The following RBFOX3 variants were observed in gnomAD, a reference collection of about 807,000 sequenced individuals.
The protein encoded by RBFOX3 is RNA binding protein fox-1 homolog 3.
Under a neutral mutation model 48.7 loss-of-function variants are expected in RBFOX3, and 17 were observed. The ratio of observed to expected loss-of-function variants is 0.35; its 90% CI spans 0.24 to 0.52. The LOEUF is 0.52. RBFOX3 is among the 20% of genes least tolerant of loss of function. The probability of loss-of-function intolerance (pLI) is 0.94; values close to 1 mark genes in which losing one functional copy is unlikely to be tolerated. For synonymous variants in RBFOX3, 212 were observed against 209.5 expected (o/e 1.01, Z -0.10); for missense variants, 382 against 497.5 (o/e 0.77, Z 2.21).
chr17:79,395,760 G>A (rs1421926734), intron 2 of RBFOX3, among the ~76,000 whole-genome samples: 1 of 152,230 alleles, frequency 6.6e-6, no homozygotes, highest in African/African-American at 2.4e-5. Flanking sequence ...GCAAGTGGCT[G>A]AGCCGTGACG....
intron 2 of RBFOX3, among the ~76,000 whole-genome samples, chr17:79,442,280 AGGGAGAGAGGGAGG>A (rs2071168773): frequency 3.7e-5 from 1 of 26,982 alleles, no homozygotes; most frequent in Non-Finnish European, 7.4e-5. Flanking sequence ...AGAGAGAGAG[AGGGAGAGAGGGAGG>A]GAGAGAGAGG....
chr17:79,349,494 A>G (rs553567231), intron 2 of RBFOX3, among the ~76,000 whole-genome samples: 7 of 151,642 alleles, frequency 4.6e-5, no homozygotes, highest in Admixed American at 1.3e-4. Flanking sequence ...CCCGGTCCCT[A>G]TTGAAATTCT....
chr17:79,093,736 T>A (rs892337900), intron 14 of RBFOX3, among the ~76,000 whole-genome samples: 2 of 151,632 alleles, frequency 1.3e-5, no homozygotes, highest in African/African-American at 4.8e-5. Flanking sequence ...GGCAGGTGTC[T>A]GCTGGAAGCA....
Position 79,597,775 on chromosome 17 carries a change from C to T in RBFOX3, c.-320+13051G>A, listed in dbSNP as rs1053864855. Reference sequence around the variant, plus strand: ...CTGTGGCCAGCAGGGAGCAGACACCCCCAAAAGCCACTGGGGCTGCAGGGC... The same window carrying T: ...CTGTGGCCAGCAGGGAGCAGACACCTCCAAAAGCCACTGGGGCTGCAGGGC... On this transcript the variant is annotated intron_variant, in intron 1 of 14. Coordinates refer to ENST00000693108, the MANE Select transcript of RBFOX3 (RefSeq NM_001350451.2). Among the ~76,000 whole-genome samples, 21 of 152,318 alleles carry T rather than the reference C, an allele frequency of 1.4e-4. No individual in the cohort carries two copies. In the South Asian group the frequency reaches 4.4e-3, roughly 32 times the overall value.
intron 6 of RBFOX3, among the ~76,000 whole-genome samples, chr17:79,105,755 C>T (rs2077238965): frequency 6.6e-6 from 1 of 152,162 alleles, no homozygotes; most frequent in Non-Finnish European, 1.5e-5. Context: ...AGGCTGTCTA[C>T]CTGCGCAGCA....
At chr17:79,582,947 AC>A (rs1467933980) in intron 1 of RBFOX3, among the ~76,000 whole-genome samples, 2 of 152,018 alleles carry the variant, frequency 1.3e-5, no homozygotes, top group African/African-American at 4.8e-5. Flanking sequence ...GACCACTGCG[AC>A]CCACAATGGG....
At chr17:79,590,105 G>A (rs1046886668) in intron 1 of RBFOX3, among the ~76,000 whole-genome samples, 125 of 152,126 alleles carry the variant, frequency 8.2e-4, no homozygotes, top group African/African-American at 2.8e-3. Context: ...TGCTCAGTGT[G>A]CCTTGGCTTT....
intron 4 of RBFOX3, among the ~76,000 whole-genome samples, chr17:79,130,109 A>C (rs2038435944): frequency 6.6e-6 from 1 of 152,190 alleles, no homozygotes; most frequent in African/African-American, 2.4e-5. Context: ...CACCCCATCC[A>C]ACCCATTCTG....
intron 1 of RBFOX3, among the ~76,000 whole-genome samples, chr17:79,534,428 G>T (rs569864173): frequency 3.3e-5 from 5 of 152,194 alleles, no homozygotes; most frequent in African/African-American, 1.2e-4. Flanking sequence ...GTTAGAATCC[G>T]AATCCAAGGG....
chr17:79,618,441 G>A, the RBFOX3 span, among the ~76,000 whole-genome samples: 3 of 152,194 alleles, frequency 2.0e-5, no homozygotes, highest in Non-Finnish European at 4.4e-5. Flanking sequence ...TCCAAGCCGT[G>A]TGTCTGCTCA....
intron 1 of RBFOX3, among the ~76,000 whole-genome samples, chr17:79,530,446 C>T (rs2087558875): frequency 6.6e-6 from 1 of 152,182 alleles, no homozygotes. Context: ...GTGCCTCCTC[C>T]GCCTTTGTGC....
At chr17:79,206,723 G>T (rs2057544255) in intron 4 of RBFOX3, among the ~76,000 whole-genome samples, 1 of 152,194 alleles carries the variant, frequency 6.6e-6, no homozygotes, top group Admixed American at 6.5e-5. Flanking sequence ...GTGCCGGCCA[G>T]TTAACACCCC....
At chr17:79,191,607 CAG>C (rs1001758769) in intron 4 of RBFOX3, among the ~76,000 whole-genome samples, 14 of 152,202 alleles carry the variant, frequency 9.2e-5, no homozygotes, top group East Asian at 1.9e-4. Flanking sequence ...AAGCTGCAGA[CAG>C]GGGCCGGGCC....
intron 1 of RBFOX3, among the ~76,000 whole-genome samples, chr17:79,579,492 C>T (rs1009892156): frequency 6.6e-6 from 1 of 152,188 alleles, no homozygotes; most frequent in African/African-American, 2.4e-5. Flanking sequence ...CTGGGACCTG[C>T]TCGGGGCAGG....
chr17:79,231,016 G>A (rs1378726597), intron 4 of RBFOX3, among the ~76,000 whole-genome samples: 2 of 152,126 alleles, frequency 1.3e-5, no homozygotes, highest in East Asian at 3.9e-4. Context: ...TGATCCCCCA[G>A]TGCTGGTCAT....
Position 79,299,333 on chromosome 17 carries a change from T to C in RBFOX3, c.-74+8391A>G, listed in dbSNP as rs2074941037. On this transcript the variant is annotated intron_variant, in intron 3 of 14. Transcript: ENST00000693108. The surrounding 1 kb of genome is among the most constrained non-coding windows in gnomAD (Gnocchi z 4.5). ...AGTCCTAACCACTGGTTCCTTAAAA[T>C]GGGACTGTACAGGCAGTCCTCTGGA... Among the ~76,000 whole-genome samples the C allele has an allele frequency of 6.6e-6, 1 of 152,108 alleles. No homozygotes were observed. The highest frequency in any genetic ancestry group is 2.1e-4 in the South Asian group (1 of 4,814).
In RBFOX3 at chr17:79,471,832, G is replaced by A. The variant is rs112165084; in HGVS notation, c.-175+10622C>T. On this transcript the variant is annotated intron_variant, in intron 2 of 14. Transcript: ENST00000693108. This position sits in a 1 kb window ranked among gnomAD's most constrained non-coding sequence, Gnocchi z 4.0. ...ACCTAGCGCCCCGTGTGTGACCCGG[G>A]ATCCCACCGTTCTCCAGGGTCGAGG... is the stretch of plus-strand genomic sequence containing the variant. Among the ~76,000 whole-genome samples the A allele has an allele frequency of 0.018, 2,811 of 152,238 alleles. 76 individuals are homozygous for A. The highest frequency in any genetic ancestry group is 0.064 in the African/African-American group (2,674 of 41,524).
At position 79,449,622 on chromosome 17, in the gene RBFOX3, AAC is replaced by A. The variant is rs57480439; in HGVS notation, c.-175+32830_-175+32831del. Among the ~76,000 whole-genome samples, 42 of 144,596 alleles carry A rather than the reference AAC, an allele frequency of 2.9e-4. 1 individual carries two copies. In the East Asian group the frequency reaches 4.7e-3, roughly 16 times the overall value. The allele number at this position is 144,596 out of a possible 152,430, so 94.9% of individuals were successfully genotyped here. A position where few individuals can be genotyped will look rare whatever the true frequency, so the allele number is the denominator to read the frequency against. On this transcript the variant is annotated intron_variant, in intron 2 of 14. Transcript: ENST00000693108. Reference sequence around the variant, plus strand: ...TGCTTATTTGAAACCTGCACACATAAACACACACACACACACACACACACACA... The same window carrying A: ...TGCTTATTTGAAACCTGCACACATAAACACACACACACACACACACACACA...
intron 2 of RBFOX3, among the ~76,000 whole-genome samples, chr17:79,424,833 T>C (rs1019292356): frequency 1.3e-5 from 2 of 152,038 alleles, no homozygotes; most frequent in Admixed American, 6.5e-5. Context: ...ACTCGCCCCA[T>C]CTCTGCTCCT....
Sources: gnomAD v4.1 joint callset for allele counts (sites outside exome capture counted in the v4.1 genomes callset) on GRCh38, gnomAD v4.1.1 for gene constraint, Gnocchi (gnomAD v3.1) non-coding constraint, MANE v1.5 for transcripts, NCBI Gene and HGNC (gene_info 2026-07-23, HGNC 2026-07-21) for gene names.